Variants in ANK3 observed in about 807,000 individuals in gnomAD.
ANK3 encodes the protein ankyrin-3.
ANK3 carries 57 observed loss-of-function variants against 370.9 expected under a neutral mutation model. The ratio of observed to expected loss-of-function variants is 0.15; its 90% CI spans 0.12 to 0.19. ANK3 has a LOEUF of 0.19. ANK3 is among the 10% of genes least tolerant of loss of function. The pLI is 1.00. For missense variants in ANK3, 4,439 were observed against 5,302.1 expected (o/e 0.84, Z 5.06); for synonymous variants, 1,929 against 1,946.3 (o/e 0.99, Z 0.23).
chr10:60,602,485 C>A (rs1430744438), intron 2 of ANK3, among the ~76,000 whole-genome samples: 1 of 152,112 alleles, frequency 6.6e-6, no homozygotes, highest in Non-Finnish European at 1.5e-5. Context: ...TTGGAATTAT[C>A]CCCAAGGATA....
intron 18 of ANK3, among the ~76,000 whole-genome samples, chr10:60,180,561 A>C (rs1425062615): frequency 7.6e-6 from 1 of 131,030 alleles, no homozygotes; most frequent in Non-Finnish European, 1.5e-5. Context: ...AAGCCACTGC[A>C]CTCCAGCCTG....
chr10:60,070,150 T>C lies in ANK3; in HGVS notation c.10731A>G (p.Ala3577=), dbSNP rs2082421632. 6.2e-7 allele frequency: 1 copy of C among 1,614,058 alleles called. No homozygotes were observed. The highest frequency in any genetic ancestry group is 1.7e-5 in the Admixed American group (1 of 59,988). Reference sequence around the variant, plus strand: ...TGGCTGGCGTTGTATCAGGGGTTGTTGCTGGAGAGCGGTCTTCTACCGCCA... The same window carrying C: ...TGGCTGGCGTTGTATCAGGGGTTGTCGCTGGAGAGCGGTCTTCTACCGCCA... ...FGLAVEDRSP[A]TTPDTTPART... Residue 3577 remains alanine (A), a synonymous_variant, in exon 37 of 44, where the codon GCA becomes GCG. Transcript: ENST00000280772. This position sits in a 1 kb window ranked among gnomAD's most constrained non-coding sequence, Gnocchi z 5.7.
At chr10:60,711,377 AAAATAAATAAAT>A (rs769089985) in intron 1 of ANK3, among the ~76,000 whole-genome samples, 11 of 147,988 alleles carry the variant, frequency 7.4e-5, no homozygotes, top group African/African-American at 2.7e-4. Context: ...AAATTGAATA[AAAATAAATAAAT>A]AAATAAATAA....
intron 5 of ANK3, among the ~76,000 whole-genome samples, chr10:60,268,497 G>T (rs2132664637): frequency 6.6e-6 from 1 of 152,068 alleles, no homozygotes; most frequent in Admixed American, 6.5e-5. Context: ...TTCTTTCCAA[G>T]CCAAATAGTT....
intron 22 of ANK3, 32 bp from the exon 23 acceptor site, chr10:60,166,685 T>G (rs2095632883): frequency 6.2e-7 from 1 of 1,607,056 alleles, no homozygotes; most frequent in African/African-American, 1.3e-5. Flanking sequence ...TATAAGTGGA[T>G]GAAAAATACA....
In ANK3 at chr10:60,589,403, AG is replaced by A. The variant is rs746080294; in HGVS notation, c.96+25782del. Among the ~76,000 whole-genome samples, 269 of 152,366 alleles carry A rather than the reference AG, an allele frequency of 1.8e-3. 1 individual carries two copies. The highest frequency in any genetic ancestry group is 0.01 in the Middle Eastern group (3 of 294). On this transcript the variant is annotated intron_variant, in intron 2 of 43. Transcript: ENST00000373827. Reference sequence around the variant, plus strand: ...GTCTGATCCTAAAATCCAAATGCCTAGTAAATATTTATGCATCTTCTATATG... The same window carrying A: ...GTCTGATCCTAAAATCCAAATGCCTATAAATATTTATGCATCTTCTATATG...
chr10:60,197,596 A>G (rs934933307), intron 14 of ANK3, among the ~76,000 whole-genome samples: 5 of 152,258 alleles, frequency 3.3e-5, no homozygotes, highest in African/African-American at 4.8e-5. Flanking sequence ...ATGAAATTTG[A>G]GGTAGTCATC....
chr10:60,732,522 C>CT (rs1315273580), intron 1 of ANK3, among the ~76,000 whole-genome samples: 2 of 152,106 alleles, frequency 1.3e-5, no homozygotes, highest in South Asian at 2.1e-4. Context: ...GTTTGCATGC[C>CT]TTTACAAGGC....
intron 8 of ANK3, among the ~76,000 whole-genome samples, chr10:60,223,794 GTCTC>G (rs1171774163): frequency 6.6e-6 from 1 of 152,090 alleles, no homozygotes; most frequent in Non-Finnish European, 1.5e-5. Context: ...ATGTGACTAA[GTCTC>G]TTAGCTTTCA....
intron 16 of ANK3, among the ~76,000 whole-genome samples, chr10:60,187,391 G>A (rs1360285367): frequency 2.0e-5 from 3 of 152,138 alleles, no homozygotes; most frequent in East Asian, 3.9e-4. Flanking sequence ...TCCTGACCTC[G>A]TGATCCACCT....
intron 25 of ANK3, among the ~76,000 whole-genome samples, chr10:60,116,919 T>C (rs923096695): frequency 3.9e-5 from 6 of 152,144 alleles, no homozygotes; most frequent in Admixed American, 1.3e-4. Flanking sequence ...TGGTACATCA[T>C]CGTAACATTT....
chr10:60,388,496 T>C (rs2062733174), intron 1 of ANK3, among the ~76,000 whole-genome samples: 1 of 152,208 alleles, frequency 6.6e-6, no homozygotes, highest in Non-Finnish European at 1.5e-5. Flanking sequence ...TGACCTGCCT[T>C]TCCTATTCAG....
At chr10:60,680,679 A>C (rs1254774119) in intron 1 of ANK3, among the ~76,000 whole-genome samples, 1 of 152,144 alleles carries the variant, frequency 6.6e-6, no homozygotes, top group East Asian at 1.9e-4. Context: ...CTCCATTTAG[A>C]TGTCTTGATG....
chr10:60,028,784 G>T lies in ANK3; in HGVS notation c.*1062C>A, dbSNP rs185539081. 6.6e-6 allele frequency: 1 copy of T among 152,406 alleles called. No homozygotes were observed. Among genetic ancestry groups the T allele is most frequent in the Non-Finnish European group, 1.5e-5 (1 of 68,042 alleles). The allele number at this position is 152,406 out of a possible 1,614,324, so 9.4% of individuals were successfully genotyped here. ...TATGAGCACCATCCACCTCTAAAGC[G>T]GCAAGCATTTACCCCCTTTTAAGCA... On this transcript the variant is annotated 3_prime_UTR_variant, in exon 44 of 44. Transcript: ENST00000280772.
intron 2 of ANK3, among the ~76,000 whole-genome samples, chr10:60,483,737 A>T (rs962482718): frequency 2.0e-5 from 3 of 152,072 alleles, no homozygotes; most frequent in African/African-American, 7.2e-5. Flanking sequence ...CCAGGAACTC[A>T]TGGAGCCCTC....
chr10:60,465,496 T>TA (rs1415162040), intron 2 of ANK3, among the ~76,000 whole-genome samples: 2 of 152,178 alleles, frequency 1.3e-5, no homozygotes, highest in Admixed American at 6.5e-5. Context: ...TCTGTATCCA[T>TA]AGGGCAGGAA....
intron 1 of ANK3, among the ~76,000 whole-genome samples, chr10:60,631,860 G>A (rs183169009): frequency 7.9e-5 from 12 of 152,166 alleles, no homozygotes; most frequent in African/African-American, 2.2e-4. Flanking sequence ...AATACAAGTC[G>A]AATTTTTTTA....
chr10:60,351,037 T>TA (rs978862858), intron 1 of ANK3, among the ~76,000 whole-genome samples: 24 of 152,042 alleles, frequency 1.6e-4, no homozygotes, highest in African/African-American at 5.8e-4. Flanking sequence ...TTTCCTCATT[T>TA]TTTTAAAGAA....
At chr10:60,270,586 G>T (rs1250204777) in intron 4 of ANK3, among the ~76,000 whole-genome samples, 1 of 152,062 alleles carries the variant, frequency 6.6e-6, no homozygotes, top group Non-Finnish European at 1.5e-5. Flanking sequence ...TATTTTACTA[G>T]ATGCTATGAG....
Sources: allele counts gnomAD v4.1 joint callset (sites outside exome capture counted in the v4.1 genomes callset), GRCh38; gene constraint gnomAD v4.1.1; non-coding constraint Gnocchi (gnomAD v3.1); transcripts MANE v1.5; gene names NCBI Gene and HGNC (gene_info 2026-07-23, HGNC 2026-07-21).